Variants in MBD3 observed in about 807,000 individuals in gnomAD.
MBD3 encodes methyl-CpG binding domain protein 3.
Under a neutral mutation model 31.2 loss-of-function variants are expected in MBD3, and 13 were observed. That is an observed-to-expected ratio of 0.42 (90% CI 0.27 to 0.66). The LOEUF (loss-of-function observed/expected upper bound fraction) is 0.66, where lower values mean the gene tolerates loss of function less well. Among genes scored for constraint, MBD3 ranks in the 30% least tolerant of loss-of-function variants. The pLI is 0.26. For synonymous variants in MBD3, 223 were observed against 187.4 expected (o/e 1.19, Z -1.55); for missense variants, 440 against 426.5 (o/e 1.03, Z -0.28).
chr19:1,582,863 C>A (rs1423379932), intron 3 of MBD3, 151 bp from the exon 4 acceptor site: 4 of 694,558 alleles, frequency 5.8e-6, no homozygotes, highest in Non-Finnish European at 1.0e-5. Context: ...GGTCTCCAGA[C>A]CCTGCCCAGG....
chr19:1,592,431 G>GGCCGCGGCCCGGGGCAGGGGC, intron 1 of MBD3, 91 bp downstream of exon 1: 1 of 410,898 alleles, frequency 2.4e-6, no homozygotes, highest in Non-Finnish European at 3.6e-6. Context: ...GCGGGGCCCA[G>GGCCGCGGCCCGGGGCAGGGGC]GCCGCGGCCC....
At position 1,574,942 on chromosome 19, in the gene MBD3, G is replaced by A. The variant is rs570945737; in HGVS notation, c.*3222C>T. On this transcript the variant is annotated 3_prime_UTR_variant, in exon 7 of 7. Coordinates refer to ENST00000434436, the MANE Select transcript of MBD3 (RefSeq NM_001281453.2). ...CACGGGCCCTGGGTGTGGCAGGAGA[G>A]GCATGATGCCCCTTAGCTGGTGTTG... 61 of 319,758 alleles carry A rather than the reference G, an allele frequency of 1.9e-4. No individual in the cohort carries two copies. The highest frequency in any genetic ancestry group is 1.2e-3 in the South Asian group (53 of 42,888). The allele number at this position is 319,758 out of a possible 1,614,324, so 19.8% of individuals were successfully genotyped here.
At chr19:1,582,233 A>G (rs1391476566) in intron 4 of MBD3, among the ~76,000 whole-genome samples, 1 of 152,126 alleles carries the variant, frequency 6.6e-6, no homozygotes, top group African/African-American at 2.4e-5. Flanking sequence ...CACCAAAACC[A>G]TGCAAGAGCT....
chr19:1,583,408 G>C (rs896112518), intron 3 of MBD3: 7 of 131,308 alleles, frequency 5.3e-5, no homozygotes, highest in South Asian at 2.5e-4. Context: ...AAAAAAAAAA[G>C]AAAAAACAAA....
intron 4 of MBD3, among the ~76,000 whole-genome samples, chr19:1,582,025 C>T (rs1192376790): frequency 6.6e-6 from 1 of 152,116 alleles, no homozygotes; most frequent in East Asian, 1.9e-4. Context: ...CCTTGGCCTC[C>T]CAGAGTGTTG....
intron 5 of MBD3, among the ~76,000 whole-genome samples, chr19:1,580,441 C>T (rs1239413023): frequency 1.3e-5 from 2 of 152,226 alleles, no homozygotes; most frequent in Non-Finnish European, 2.9e-5. Context: ...GGTCTTGGCT[C>T]CTTCTTTCTG....
At chr19:1,584,915 G>A (rs892960325) in intron 2 of MBD3, 140 bp downstream of exon 2, 2 of 1,276,568 alleles carry the variant, frequency 1.6e-6, no homozygotes, top group African/African-American at 1.5e-5. Flanking sequence ...TGTGGCCTGC[G>A]CCTTCCGCTC....
chr19:1,579,405 G>A (rs1028217527), intron 5 of MBD3, among the ~76,000 whole-genome samples: 8 of 151,910 alleles, frequency 5.3e-5, no homozygotes, highest in African/African-American at 1.9e-4. Context: ...GGGCCTACAA[G>A]CTGATGCCAG....
In MBD3 at chr19:1,585,401, G is replaced by A; in HGVS notation, c.111-187C>T. 8.1e-6 allele frequency: 5 copies of A among 615,778 alleles called. No homozygotes were observed. The highest frequency in any genetic ancestry group is 3.0e-5 in the Admixed American group (1 of 33,734). 38.1% of individuals were successfully genotyped at this position (615,778 alleles called of 1,614,324 possible). ...CAGCCCCAGACCCCAACCCTGGCGTGACCCCAGACCTTCATCCCAGACCCC... is the reference window on the plus strand; with the variant it reads ...CAGCCCCAGACCCCAACCCTGGCGTAACCCCAGACCTTCATCCCAGACCCC... On this transcript the variant is annotated intron_variant, in intron 1 of 6. Transcript: ENST00000434436. The surrounding 1 kb of genome is among the most constrained non-coding windows in gnomAD (Gnocchi z 4.1).
chr19:1,582,761 C>CA (rs1568275303), intron 3 of MBD3, 49 bp from the exon 4 acceptor site: 3 of 1,530,364 alleles, frequency 2.0e-6, no homozygotes, highest in Admixed American at 1.8e-5. Flanking sequence ...GCCCTCTCCC[C>CA]ACTCCAGGTC....
At chr19:1,583,601 T>G (rs2060663703) in intron 3 of MBD3, among the ~76,000 whole-genome samples, 1 of 151,870 alleles carries the variant, frequency 6.6e-6, no homozygotes, top group South Asian at 2.1e-4. Context: ...CTCACACCTG[T>G]AATCCCCACA....
intron 4 of MBD3, 60 bp downstream of exon 4, chr19:1,582,562 G>T: frequency 6.6e-7 from 1 of 1,513,282 alleles, no homozygotes; most frequent in Non-Finnish European, 9.1e-7. Context: ...GAGGGCACCT[G>T]CAGCACCTCC....
chr19:1,575,039 C>T lies in MBD3; in HGVS notation c.*3125G>A, dbSNP rs951468026. On this transcript the variant is annotated 3_prime_UTR_variant, in exon 7 of 7. Transcript: ENST00000434436. ...GGAGGTGCATCCTCGCCACGGGGGT[C>T]CTGAGCCTCTCCTCCCTGGTACCCT... is the stretch of plus-strand genomic sequence containing the variant. The T allele has an allele frequency of 8.3e-6, 3 of 363,366 alleles. No homozygotes were observed. The highest frequency in any genetic ancestry group is 3.2e-5 in the Admixed American group (1 of 30,976). The allele number at this position is 363,366 out of a possible 1,614,324, so 22.5% of individuals were successfully genotyped here. A position where few individuals can be genotyped will look rare whatever the true frequency, so the allele number is the denominator to read the frequency against.
At chr19:1,586,877 G>A (rs753931315) in intron 1 of MBD3, among the ~76,000 whole-genome samples, 3 of 151,800 alleles carry the variant, frequency 2.0e-5, no homozygotes, top group Non-Finnish European at 4.4e-5. Context: ...GTGTTGGCCA[G>A]GCTGGTCACG....
At chr19:1,584,965 C>G in intron 2 of MBD3, 90 bp downstream of exon 2, 10 of 1,549,918 alleles carry the variant, frequency 6.5e-6, no homozygotes, top group Middle Eastern at 2.2e-4. Flanking sequence ...GCTCAGGACG[C>G]CGGGCTGTGT....
In MBD3 at chr19:1,585,355, A is replaced by C; in HGVS notation, c.111-141T>G. On this transcript the variant is annotated intron_variant, in intron 1 of 6. Coordinates refer to ENST00000434436, the MANE Select transcript of MBD3 (RefSeq NM_001281453.2). The surrounding 1 kb of genome is among the most constrained non-coding windows in gnomAD (Gnocchi z 4.1). The stretch of plus-strand genomic sequence containing the variant: ...AGACCCCAACACGGCCCTGACCCCA[A>C]ACCCAGGCAGGCCCTGGCCCCAGCC... 1 of 914,236 alleles carries C rather than the reference A, an allele frequency of 1.1e-6. No individual in the cohort carries two copies. The highest frequency in any genetic ancestry group is 1.6e-6 in the Non-Finnish European group (1 of 614,382). The allele number at this position is 914,236 out of a possible 1,614,324, so 56.6% of individuals were successfully genotyped here. A position where few individuals can be genotyped will look rare whatever the true frequency, so the allele number is the denominator to read the frequency against.
chr19:1,591,007 G>C (rs1161611652), intron 1 of MBD3, among the ~76,000 whole-genome samples: 2 of 152,370 alleles, frequency 1.3e-5, no homozygotes, highest in Admixed American at 6.5e-5. Flanking sequence ...GAATGAGAGA[G>C]GTGGGGTGAT....
chr19:1,585,550 G>C lies in MBD3; in HGVS notation c.111-336C>G, dbSNP rs548857423. ...ATCCTTGCTCCAGACCCCCAACCCCGGTCCCCTCTGAATCCTCCCCACCGT... is the reference window on the plus strand; with the variant it reads ...ATCCTTGCTCCAGACCCCCAACCCCCGTCCCCTCTGAATCCTCCCCACCGT... On this transcript the variant is annotated intron_variant, in intron 1 of 6. Coordinates refer to ENST00000434436, the MANE Select transcript of MBD3 (RefSeq NM_001281453.2). The surrounding 1 kb of genome is among the most constrained non-coding windows in gnomAD (Gnocchi z 4.1). 36 of 365,298 alleles carry C rather than the reference G, an allele frequency of 9.9e-5. No individual in the cohort carries two copies. Among genetic ancestry groups the C allele is most frequent in the African/African-American group, 7.0e-4 (33 of 46,992 alleles). 22.6% of individuals were successfully genotyped at this position (365,298 alleles called of 1,614,324 possible). A position where few individuals can be genotyped will look rare whatever the true frequency, so the allele number is the denominator to read the frequency against.
intron 5 of MBD3, among the ~76,000 whole-genome samples, chr19:1,580,369 G>T (rs934965890): frequency 6.6e-6 from 1 of 152,186 alleles, no homozygotes; most frequent in Non-Finnish European, 1.5e-5. Context: ...GTGCCCAGGG[G>T]CCTTTAACCC....
Sources: allele counts gnomAD v4.1 joint callset (sites outside exome capture counted in the v4.1 genomes callset), GRCh38; gene constraint gnomAD v4.1.1; non-coding constraint Gnocchi (gnomAD v3.1); transcripts MANE v1.5; gene names NCBI Gene and HGNC (gene_info 2026-07-23, HGNC 2026-07-21).